The following CDK19 variants were observed in gnomAD, a reference collection of about 807,000 sequenced individuals.
CDK19 encodes the protein cyclin dependent kinase 19.
A neutral mutation model predicts 68.3 loss-of-function variants in CDK19; 20 were observed. The ratio of observed to expected loss-of-function variants is 0.29; its 90% CI spans 0.21 to 0.43. CDK19 has a LOEUF of 0.43. Ranked by LOEUF, CDK19 falls within the 20% of genes least tolerant of loss-of-function variation. The pLI is 1.00. For missense variants in CDK19, 339 were observed against 623.5 expected (o/e 0.54, Z 4.86); for synonymous variants, 221 against 222.8 (o/e 0.99, Z 0.07).
intron 1 of CDK19, among the ~76,000 whole-genome samples, chr6:110,800,450 T>C (rs1277651312): frequency 6.6e-6 from 1 of 152,164 alleles, no homozygotes; most frequent in African/African-American, 2.4e-5. Flanking sequence ...CCTAATTTAT[T>C]CTACGAAACC....
intron 9 of CDK19, 86 bp downstream of exon 9, chr6:110,623,204 G>A: frequency 8.9e-7 from 1 of 1,121,638 alleles, no homozygotes; most frequent in Admixed American, 2.0e-5. Flanking sequence ...AATTTCTTTT[G>A]TTTCTAAAGA....
At chr6:110,785,946 C>A (rs890971006) in intron 1 of CDK19, among the ~76,000 whole-genome samples, 1 of 151,646 alleles carries the variant, frequency 6.6e-6, no homozygotes, top group Non-Finnish European at 1.5e-5. Flanking sequence ...AGCCATTGCA[C>A]CCCACCCTGG....
intron 1 of CDK19, among the ~76,000 whole-genome samples, chr6:110,765,314 G>C (rs577772820): frequency 1.3e-5 from 2 of 152,254 alleles, no homozygotes; most frequent in East Asian, 3.9e-4. Flanking sequence ...TGGAGGTTGA[G>C]GCTGCAAATA....
chr6:110,639,397 G>C (rs1338554359), intron 4 of CDK19, among the ~76,000 whole-genome samples: 1 of 152,178 alleles, frequency 6.6e-6, no homozygotes, highest in Non-Finnish European at 1.5e-5. Flanking sequence ...TAAAGTCTTT[G>C]AAGGAAAATG....
At chr6:110,699,325 C>A (rs536571815) in intron 2 of CDK19, among the ~76,000 whole-genome samples, 31 of 149,980 alleles carry the variant, frequency 2.1e-4, no homozygotes, top group Non-Finnish European at 3.7e-4. Flanking sequence ...CATGGGAGGC[C>A]GAGGCAGGAG....
In CDK19 at chr6:110,611,328, T is replaced by G. The variant is rs1406302285; in HGVS notation, c.*3207A>C. ...TCCTAGTTTGGGTGTTCCCATAGGC[T>G]GAGGGATGCCCCTCCTGTACCCTTG... On this transcript the variant is annotated 3_prime_UTR_variant, in exon 13 of 13. Coordinates refer to ENST00000368911, the MANE Select transcript of CDK19 (RefSeq NM_015076.5). The G allele has an allele frequency of 1.3e-5, 2 of 152,274 alleles. No homozygotes were observed. The highest frequency in any genetic ancestry group is 4.8e-5 in the African/African-American group (2 of 41,472). The allele number at this position is 152,274 out of a possible 1,614,324, so 9.4% of individuals were successfully genotyped here.
intron 1 of CDK19, among the ~76,000 whole-genome samples, chr6:110,781,784 C>T (rs1037202245): frequency 5.3e-5 from 8 of 149,964 alleles, no homozygotes; most frequent in African/African-American, 2.0e-4. Flanking sequence ...GTGGAAGCTG[C>T]GGTGAGCCAA....
intron 1 of CDK19, among the ~76,000 whole-genome samples, chr6:110,793,761 C>G (rs994890443): frequency 6.6e-6 from 1 of 152,142 alleles, no homozygotes; most frequent in Non-Finnish European, 1.5e-5. Context: ...CAGCCTTTGC[C>G]TCTTCCCCTT....
chr6:110,673,726 T>C (rs913727698), intron 2 of CDK19, among the ~76,000 whole-genome samples: 1 of 151,152 alleles, frequency 6.6e-6, no homozygotes, highest in Non-Finnish European at 1.5e-5. Flanking sequence ...AAAAGAAAAA[T>C]TTTTTTAAAG....
chr6:110,774,842 G>C (rs1223090290), intron 1 of CDK19, among the ~76,000 whole-genome samples: 1 of 152,164 alleles, frequency 6.6e-6, no homozygotes, highest in African/African-American at 2.4e-5. Flanking sequence ...CCAGCTACTT[G>C]GGAGGCTGAG....
chr6:110,634,666 C>T (rs1779650002), intron 5 of CDK19, among the ~76,000 whole-genome samples: 1 of 152,212 alleles, frequency 6.6e-6, no homozygotes, highest in Non-Finnish European at 1.5e-5. Context: ...CTACAGCAAA[C>T]AAAAATATTC....
intron 1 of CDK19, among the ~76,000 whole-genome samples, chr6:110,793,395 C>T (rs1406644270): frequency 6.6e-6 from 1 of 152,062 alleles, no homozygotes; most frequent in East Asian, 1.9e-4. Flanking sequence ...AGGACAACAT[C>T]AGCATTATAA....
chr6:110,627,308 G>A (rs1324924863), intron 6 of CDK19, among the ~76,000 whole-genome samples, 163 bp from the exon 7 acceptor site: 1 of 151,998 alleles, frequency 6.6e-6, no homozygotes, highest in African/African-American at 2.4e-5. Context: ...ACATATGTGT[G>A]GGTATGTGTG....
chr6:110,703,311 C>T (rs1377994028), intron 2 of CDK19, among the ~76,000 whole-genome samples: 1 of 152,028 alleles, frequency 6.6e-6, no homozygotes, highest in Non-Finnish European at 1.5e-5. Context: ...ATTATGTTAG[C>T]AGTACTTTGA....
At chr6:110,677,629 T>C (rs1562187838) in intron 2 of CDK19, among the ~76,000 whole-genome samples, 2 of 150,862 alleles carry the variant, frequency 1.3e-5, no homozygotes, top group Non-Finnish European at 1.5e-5. Flanking sequence ...GGTTCTCTAG[T>C]ATCACTGGCA....
intron 1 of CDK19, among the ~76,000 whole-genome samples, chr6:110,806,376 C>T (rs889771596): frequency 4.0e-5 from 6 of 151,660 alleles, no homozygotes; most frequent in Admixed American, 3.3e-4. Flanking sequence ...CTTAACATTT[C>T]ACTTCCTTAT....
intron 2 of CDK19, among the ~76,000 whole-genome samples, chr6:110,713,958 C>T (rs1378544822): frequency 6.6e-6 from 1 of 152,186 alleles, no homozygotes; most frequent in Admixed American, 6.5e-5. Flanking sequence ...ACATAAACTT[C>T]ACCATTTTAA....
At chr6:110,651,630 C>T (rs1361863300) in intron 4 of CDK19, among the ~76,000 whole-genome samples, 4 of 152,188 alleles carry the variant, frequency 2.6e-5, no homozygotes, top group African/African-American at 9.7e-5. Flanking sequence ...TTTACAACTA[C>T]ACTCATAGGT....
chr6:110,726,899 A>G (rs1427759717), intron 2 of CDK19, among the ~76,000 whole-genome samples: 1 of 152,216 alleles, frequency 6.6e-6, no homozygotes, highest in Non-Finnish European at 1.5e-5. Context: ...CATAAAGTCT[A>G]CAAGGTACTC....
Sources: allele counts gnomAD v4.1 joint callset (sites outside exome capture counted in the v4.1 genomes callset), GRCh38; gene constraint gnomAD v4.1.1; transcripts MANE v1.5; gene names NCBI Gene and HGNC (gene_info 2026-07-23, HGNC 2026-07-21).